TMEM38B: variants seen among roughly 807,000 people sequenced by gnomAD.
The protein encoded by TMEM38B is transmembrane protein 38B.
TMEM38B carries 24 observed loss-of-function variants against 28.7 expected under a neutral mutation model. The ratio of observed to expected loss-of-function variants is 0.84; its 90% CI spans 0.61 to 1.18. TMEM38B has a LOEUF of 1.18. Ranked by LOEUF, TMEM38B falls within the 50% of genes most tolerant of loss-of-function variation. TMEM38B has a pLI of 0.00. For missense variants in TMEM38B, 380 were observed against 350.9 expected, an observed-to-expected ratio of 1.08 and a Z score of -0.66; for synonymous variants, 131 against 127.7, an observed-to-expected ratio of 1.03 and a Z score of -0.17.
intron 4 of TMEM38B, among the ~76,000 whole-genome samples, chr9:105,731,434 T>A (rs1346809487): frequency 6.6e-6 from 1 of 152,150 alleles, no homozygotes; most frequent in East Asian, 1.9e-4. Flanking sequence ...TAGGTATTTC[T>A]CTTAATGCTA....
At chr9:105,702,440 T>G (rs545970686) in intron 1 of TMEM38B, among the ~76,000 whole-genome samples, 2 of 152,138 alleles carry the variant, frequency 1.3e-5, no homozygotes, top group Non-Finnish European at 2.9e-5. Flanking sequence ...AGGGACACAC[T>G]CTGGAACTAA....
At position 105,775,361 on chromosome 9, in the gene TMEM38B, A is replaced by G. The variant is rs1826692236; in HGVS notation, c.*1281A>G. On this transcript the variant is annotated 3_prime_UTR_variant, in exon 6 of 6. Transcript: ENST00000374692. ...TGTTAATTTTCTTACTTTATGATTT[A>G]GAAGTCCAGTTATAATATTAAAACT... The G allele has an allele frequency of 6.6e-6, 1 of 152,150 alleles. No homozygotes were observed. Among genetic ancestry groups the G allele is most frequent in the African/African-American group, 2.4e-5 (1 of 41,460 alleles). The allele number at this position is 152,150 out of a possible 1,614,324, so 9.4% of individuals were successfully genotyped here.
intron 1 of TMEM38B, among the ~76,000 whole-genome samples, chr9:105,701,993 T>A (rs186067617): frequency 9.2e-5 from 14 of 152,134 alleles, no homozygotes; most frequent in Middle Eastern, 3.4e-3. Flanking sequence ...GGCAGGAGGA[T>A]CACTTGAGGC....
In TMEM38B at chr9:105,775,963, C is replaced by T. The variant is rs1450510498; in HGVS notation, c.*1883C>T. On this transcript the variant is annotated 3_prime_UTR_variant, in exon 6 of 6. Transcript: ENST00000374692. ...AAACTTTATTAATCTATGCAAGTAT[C>T]CTATAACCCTCAATTCAAGGCTCTT... is the stretch of plus-strand genomic sequence containing the variant. 6.6e-6 allele frequency: 1 copy of T among 152,062 alleles called. No individual in the cohort carries two copies. The highest frequency in any genetic ancestry group is 1.5e-5 in the Non-Finnish European group (1 of 68,024). 9.4% of individuals were successfully genotyped at this position (152,062 alleles called of 1,614,324 possible).
intron 4 of TMEM38B, among the ~76,000 whole-genome samples, chr9:105,740,190 T>C (rs1837146038): frequency 6.6e-6 from 1 of 151,884 alleles, no homozygotes; most frequent in South Asian, 2.1e-4. Flanking sequence ...GCCTTAAACT[T>C]TTTTCAGTAA....
intron 4 of TMEM38B, among the ~76,000 whole-genome samples, chr9:105,739,892 T>C: frequency 6.6e-6 from 1 of 151,922 alleles, no homozygotes; most frequent in Non-Finnish European, 1.5e-5. Flanking sequence ...TTAAACTTTT[T>C]TTTTGTTTGA....
intron 5 of TMEM38B, among the ~76,000 whole-genome samples, chr9:105,772,561 T>G (rs1246182869): frequency 6.6e-6 from 1 of 152,168 alleles, no homozygotes; most frequent in South Asian, 2.1e-4. Context: ...TAGCAGTTAC[T>G]TTATGTACTT....
At chr9:105,717,056 G>T (rs914944981) in intron 2 of TMEM38B, among the ~76,000 whole-genome samples, 1 of 152,130 alleles carries the variant, frequency 6.6e-6, no homozygotes, top group Non-Finnish European at 1.5e-5. Context: ...ACTATTGTGC[G>T]TGGGATTTTG....
At chr9:105,705,398 C>T (rs1835617313) in intron 1 of TMEM38B, among the ~76,000 whole-genome samples, 199 bp from the exon 2 acceptor site, 1 of 152,138 alleles carries the variant, frequency 6.6e-6, no homozygotes. Flanking sequence ...CCAAAAATCA[C>T]CCATTAACAA....
In TMEM38B at chr9:105,704,116, C is replaced by T. The variant is rs370020332; in HGVS notation, c.113-1481C>T. ...GGGAGGGGGGAGGGATAGCATCAGG[C>T]GATATACCTAATGCTAGATGACGAG... On this transcript the variant is annotated intron_variant, in intron 1 of 5. Transcript: ENST00000374692. 2.6e-4 allele frequency among the ~76,000 whole-genome samples: 40 copies of T among 151,808 alleles called. No individual in the cohort carries two copies. In the East Asian group the frequency reaches 2.9e-3, roughly 11 times the overall value.
intron 4 of TMEM38B, among the ~76,000 whole-genome samples, chr9:105,733,661 G>C (rs2133595919): frequency 6.6e-6 from 1 of 151,950 alleles, no homozygotes; most frequent in African/African-American, 2.4e-5. Flanking sequence ...TTATTGACCT[G>C]TGCAGGCTTT....
chr9:105,705,848 C>A, intron 2 of TMEM38B, 95 bp downstream of exon 2: 5 of 1,342,596 alleles, frequency 3.7e-6, no homozygotes, highest in Non-Finnish European at 5.0e-6. Flanking sequence ...CAATATTTTA[C>A]GTGCTTGAAA....
chr9:105,705,526 C>A, intron 1 of TMEM38B, 71 bp from the exon 2 acceptor site: 1 of 1,401,862 alleles, frequency 7.1e-7, no homozygotes, highest in Non-Finnish European at 9.6e-7. Context: ...TTGTTTAGTG[C>A]AACTTGTACT....
At chr9:105,765,463 T>C (rs1250565448) in intron 5 of TMEM38B, among the ~76,000 whole-genome samples, 1 of 152,230 alleles carries the variant, frequency 6.6e-6, no homozygotes, top group Non-Finnish European at 1.5e-5. Context: ...GAAACATTTC[T>C]ATCACTTTGG....
intron 5 of TMEM38B, among the ~76,000 whole-genome samples, chr9:105,763,761 G>A (rs1412575803): frequency 9.2e-5 from 14 of 151,846 alleles, no homozygotes; most frequent in East Asian, 1.9e-4. Context: ...TACGAAAGCT[G>A]GGCAGAGACA....
intron 2 of TMEM38B, among the ~76,000 whole-genome samples, chr9:105,711,339 G>A (rs571205966): frequency 1.3e-5 from 2 of 152,170 alleles, no homozygotes; most frequent in South Asian, 4.2e-4. Context: ...TACTTGGGAG[G>A]CTGAGGCAGG....
At chr9:105,770,285 G>C (rs1241587326) in intron 5 of TMEM38B, among the ~76,000 whole-genome samples, 1 of 152,088 alleles carries the variant, frequency 6.6e-6, no homozygotes, top group Non-Finnish European at 1.5e-5. Context: ...ACTTTATGAG[G>C]AGAGGTACTA....
At chr9:105,713,283 G>GC (rs371113855) in intron 2 of TMEM38B, among the ~76,000 whole-genome samples, 17 of 152,280 alleles carry the variant, frequency 1.1e-4, no homozygotes, top group African/African-American at 4.1e-4. Flanking sequence ...GACAGCTGCA[G>GC]CCCCCCAAAC....
chr9:105,775,576 A>G lies in TMEM38B; in HGVS notation c.*1496A>G, dbSNP rs1313055308. ...CTTGCTTAAAAAATTGGGAGGGGGC[A>G]CTTTTCATAGTCTTGGAATGCTAAG... On this transcript the variant is annotated 3_prime_UTR_variant, in exon 6 of 6. Transcript: ENST00000374692. 6.6e-6 allele frequency: 1 copy of G among 152,058 alleles called. No homozygotes were observed. Among genetic ancestry groups the G allele is most frequent in the Non-Finnish European group, 1.5e-5 (1 of 67,974 alleles). 9.4% of individuals were successfully genotyped at this position (152,058 alleles called of 1,614,324 possible). A position where few individuals can be genotyped will look rare whatever the true frequency, so the allele number is the denominator to read the frequency against.
Sources: allele counts gnomAD v4.1 joint callset (sites outside exome capture counted in the v4.1 genomes callset), GRCh38; gene constraint gnomAD v4.1.1; transcripts MANE v1.5; gene names NCBI Gene and HGNC (gene_info 2026-07-23, HGNC 2026-07-21).